GALC: variants seen among roughly 807,000 people sequenced by gnomAD.
GALC encodes the protein galactosylceramidase.
Under a neutral mutation model 91.8 loss-of-function variants are expected in GALC, and 77 were observed. The ratio of observed to expected loss-of-function variants is 0.84; its 90% confidence interval spans 0.70 to 1.01. The LOEUF is 1.01. Among genes scored for constraint, GALC ranks in the 50% least tolerant of loss-of-function variants. The probability of loss-of-function intolerance (pLI) is 0.00; values close to 1 mark genes in which losing one functional copy is unlikely to be tolerated. For synonymous variants in GALC, 357 were observed against 306.7 expected (o/e 1.16, Z -1.71); for missense variants, 882 against 855.9 (o/e 1.03, Z -0.38).
chr14:87,968,516 A>G (rs1167564397), intron 7 of GALC, 26 bp from the exon 8 acceptor site: 2 of 1,612,830 alleles, frequency 1.2e-6, no homozygotes, highest in Non-Finnish European at 1.7e-6. Flanking sequence ...GTGGAAGTCA[A>G]TGAAAAAAGG....
At chr14:87,972,055 T>C (rs972592820) in intron 7 of GALC, among the ~76,000 whole-genome samples, 2 of 152,082 alleles carry the variant, frequency 1.3e-5, no homozygotes, top group African/African-American at 2.4e-5. Context: ...CAGGGAGGAA[T>C]AGTCTTCCTA....
intron 7 of GALC, among the ~76,000 whole-genome samples, chr14:87,968,835 G>T (rs1886164111): frequency 6.6e-6 from 1 of 152,176 alleles, no homozygotes; most frequent in Non-Finnish European, 1.5e-5. Context: ...GAGGGCCACA[G>T]CCTAGAACAC....
At chr14:87,962,491 A>C (rs575215027) in intron 10 of GALC, among the ~76,000 whole-genome samples, 59 of 152,120 alleles carry the variant, frequency 3.9e-4, no homozygotes, top group African/African-American at 1.4e-3. Context: ...CAAACCTGAT[A>C]GTAGGATATT....
In GALC at chr14:87,986,543, C is replaced by G. The variant is rs374635469; in HGVS notation, c.388G>C (p.Glu130Gln). Residue 130 changes from glutamate (E) to glutamine (Q), a missense_variant, in exon 4 of 17, where the codon GAG becomes CAG. By Grantham distance (29) the Glu-to-Gln change is conservative. Transcript: ENST00000261304. ...TTAGCTTCTTTCATCAACCACCACT[C>G]GTATCCTCGGAAATAATTCTCATCT... ...ALDENYFRGYEWWLMKEAKKR... is the reference protein window; with the variant it reads ...ALDENYFRGYQWWLMKEAKKR... 1.9e-6 allele frequency: 3 copies of G among 1,613,708 alleles called. No individual in the cohort carries two copies. Among genetic ancestry groups the G allele is most frequent in the South Asian group, 2.2e-5 (2 of 91,072 alleles).
intron 3 of GALC, 144 bp downstream of exon 3, chr14:87,988,000 T>TA (rs1415132785): frequency 1.5e-6 from 1 of 674,842 alleles, no homozygotes; most frequent in Non-Finnish European, 2.6e-6. Context: ...TAATTACAGT[T>TA]AAAAAATGAG....
In GALC at chr14:87,933,749, C is replaced by T. The variant is rs116351733; in HGVS notation, c.*983G>A. The T allele has an allele frequency of 1.1e-3, 533 of 477,568 alleles. 1 individual carries two copies. Among genetic ancestry groups the T allele is most frequent in the African/African-American group, 9.5e-3 (488 of 51,226 alleles). The allele number at this position is 477,568 out of a possible 1,614,324, so 29.6% of individuals were successfully genotyped here. On this transcript the variant is annotated 3_prime_UTR_variant, in exon 17 of 17. Transcript: ENST00000261304. ...TCATACAACATGATGAACACGCTCA[C>T]GTATATTTAAATATAAACATATTTG... is the stretch of plus-strand genomic sequence containing the variant.
At chr14:87,987,577 C>T (rs1887026882) in intron 3 of GALC, among the ~76,000 whole-genome samples, 1 of 152,136 alleles carries the variant, frequency 6.6e-6, no homozygotes, top group South Asian at 2.1e-4. Context: ...GGAATCTGTT[C>T]TGTAAATAAT....
rs1341011573 is a variant in GALC, at chr14:87,934,513, C to CAGGT, written c.*215_*218dup. On this transcript the variant is annotated 3_prime_UTR_variant, in exon 17 of 17. Coordinates refer to ENST00000261304, the MANE Select transcript of GALC (RefSeq NM_000153.4). ...ACAGTTTGAATGTTAGGGAACACAC[C>CAGGT]AGGTAATGTTAAAGATTCACCAGTT... is the stretch of plus-strand genomic sequence containing the variant. The CAGGT allele has an allele frequency of 4.2e-6, 6 of 1,425,928 alleles. No homozygotes were observed. The highest frequency in any genetic ancestry group is 5.5e-6 in the Non-Finnish European group (6 of 1,094,990). 88.3% of individuals were successfully genotyped at this position (1,425,928 alleles called of 1,614,324 possible).
intron 6 of GALC, chr14:87,981,495 AT>A (rs1219537957): frequency 5.5e-6 from 1 of 183,354 alleles, no homozygotes; most frequent in African/African-American, 2.4e-5. Context: ...AAAACTTGAA[AT>A]AAAATACTGT....
At chr14:87,936,043 C>G (rs576244062) in intron 16 of GALC, among the ~76,000 whole-genome samples, 1 of 152,124 alleles carries the variant, frequency 6.6e-6, no homozygotes, top group East Asian at 1.9e-4. Flanking sequence ...AGCACAAAAC[C>G]TGTCTAACAG....
chr14:87,987,919 A>T (rs1887041029), intron 3 of GALC: 1 of 539,188 alleles, frequency 1.9e-6, no homozygotes. Flanking sequence ...GATTACTTCA[A>T]CTAAATAAGC....
chr14:87,935,048 G>A lies in GALC; in HGVS notation c.1912-170C>T, dbSNP rs433764. ...GTTTGAGCAAAAGTTTAAAATACAG[G>A]AAAAAACTCTAGGAAGAAATTCTTA... is the stretch of plus-strand genomic sequence containing the variant. On this transcript the variant is annotated intron_variant, in intron 16 of 16. Coordinates refer to ENST00000261304, the MANE Select transcript of GALC (RefSeq NM_000153.4). Among the ~76,000 whole-genome samples, 145,666 of 152,172 alleles carry A rather than the reference G, an allele frequency of 0.96. 70,013 individuals are homozygous for A. Among genetic ancestry groups the A allele is most frequent in the Non-Finnish European group, 1 (67,930 of 67,990 alleles).
chr14:87,956,912 T>C (rs1177948446), intron 10 of GALC, among the ~76,000 whole-genome samples: 2 of 151,130 alleles, frequency 1.3e-5, no homozygotes, highest in Admixed American at 6.6e-5. Context: ...TTTCACCACA[T>C]GTATGCCAAC....
At chr14:87,956,585 C>CATAT (rs147592843) in intron 10 of GALC, among the ~76,000 whole-genome samples, 50 of 137,248 alleles carry the variant, frequency 3.6e-4, no homozygotes, top group South Asian at 2.9e-3. Context: ...ACACACACAC[C>CATAT]ATATATATAC....
At chr14:87,987,064 T>TA in intron 3 of GALC, 1 of 454,474 alleles carries the variant, frequency 2.2e-6, no homozygotes, top group Non-Finnish European at 4.4e-6. Context: ...TGTCTTGATA[T>TA]AGGAAGAGTT....
intron 16 of GALC, 87 bp downstream of exon 16, chr14:87,939,817 CT>C: frequency 1.0e-6 from 1 of 962,066 alleles, no homozygotes; most frequent in Non-Finnish European, 1.7e-6. Flanking sequence ...ATATGTCACA[CT>C]TTCCCCCTCC....
intron 10 of GALC, among the ~76,000 whole-genome samples, chr14:87,956,350 A>G (rs1885541997): frequency 6.6e-6 from 1 of 151,980 alleles, no homozygotes; most frequent in Admixed American, 6.6e-5. Context: ...ACAAGCCTCA[A>G]GGGGGAGAGG....
At chr14:87,938,555 T>C (rs949387746) in intron 16 of GALC, among the ~76,000 whole-genome samples, 5 of 151,998 alleles carry the variant, frequency 3.3e-5, no homozygotes, top group African/African-American at 1.2e-4. Context: ...AGCCTTTAAA[T>C]TATGGGCAAA....
rs886050866 is a variant in GALC at position 87,984,526 on chromosome 14, T to A, written c.450A>T (p.Pro150=). ...TTCCCAGCCATCCAGGGAATGACCA[T>A]GGCAACCCTGCAGAGAGAAGGGAGG... ...RNPNITLIGL[P]WSFPGWLGKG... is the part of the protein sequence containing the mutation. The change falls in exon 5 of 17, where the codon CCA becomes CCT. Residue 150 remains proline (P), a synonymous_variant. Coordinates refer to ENST00000261304, the MANE Select transcript of GALC (RefSeq NM_000153.4). The A allele has an allele frequency of 1.2e-6, 2 of 1,614,010 alleles. No homozygotes were observed. Among genetic ancestry groups the A allele is most frequent in the East Asian group, 4.5e-5 (2 of 44,882 alleles).
Sources: allele counts gnomAD v4.1 joint callset (sites outside exome capture counted in the v4.1 genomes callset), GRCh38; gene constraint gnomAD v4.1.1; transcripts MANE v1.5; gene names NCBI Gene and HGNC (gene_info 2026-07-23, HGNC 2026-07-21).